The following RP9 variants were observed in gnomAD, a reference collection of about 807,000 sequenced individuals.
RP9 encodes retinitis pigmentosa 9 protein.
Under a neutral mutation model 32.6 loss-of-function variants are expected in RP9, and 23 were observed. The observed-to-expected ratio is 0.71, with a 90% confidence interval of 0.51 to 1.00. The LOEUF (loss-of-function observed/expected upper bound fraction) is 1.00. Among genes scored for constraint, RP9 ranks in the 50% least tolerant of loss-of-function variants. RP9 has a pLI of 0.00. For synonymous variants in RP9, 94 were observed against 103.6 expected (o/e 0.91, Z 0.56); for missense variants, 245 against 285.3 (o/e 0.86, Z 1.02).
chr7:33,106,204 G>A (rs1160358905), intron 1 of RP9, among the ~76,000 whole-genome samples: 1 of 151,744 alleles, frequency 6.6e-6, no homozygotes, highest in Non-Finnish European at 1.5e-5. Flanking sequence ...ATATCACTCT[G>A]TTGCCCAGGC....
chr7:33,103,408 C>G (rs1312082934), intron 1 of RP9, among the ~76,000 whole-genome samples: 1 of 152,154 alleles, frequency 6.6e-6, no homozygotes, highest in Admixed American at 6.5e-5. Context: ...AAAAGGGTAC[C>G]CTGCAGCATG....
chr7:33,100,198 C>T, intron 2 of RP9: 1 of 390,618 alleles, frequency 2.6e-6, no homozygotes, highest in Non-Finnish European at 4.8e-6. Flanking sequence ...AAGAAACCAG[C>T]AGAGGATGGA....
At chr7:33,107,380 A>T (rs2128034095) in intron 1 of RP9, among the ~76,000 whole-genome samples, 1 of 152,312 alleles carries the variant, frequency 6.6e-6, no homozygotes, top group East Asian at 1.9e-4. Context: ...TCTGTGAAAA[A>T]GCTCTCTGAG....
chr7:33,101,890 A>G (rs1169077629), intron 1 of RP9, among the ~76,000 whole-genome samples: 1 of 152,234 alleles, frequency 6.6e-6, no homozygotes, highest in Non-Finnish European at 1.5e-5. Context: ...GTAGCCATTC[A>G]TTAGAAACAT....
chr7:33,097,434 A>C, intron 3 of RP9, 72 bp from the exon 4 acceptor site: 1 of 1,104,564 alleles, frequency 9.1e-7, no homozygotes, highest in Non-Finnish European at 1.4e-6. Flanking sequence ...TCAGCAGAAT[A>C]TATTCAAGTT....
intron 3 of RP9, among the ~76,000 whole-genome samples, chr7:33,098,712 C>T (rs1788378929): frequency 6.6e-6 from 1 of 152,164 alleles, no homozygotes; most frequent in Non-Finnish European, 1.5e-5. Flanking sequence ...GCATTCCCAT[C>T]AAAATTCTCA....
rs571451127 is a variant in RP9, at chr7:33,098,772, T to C, written c.313+535A>G. Among the ~76,000 whole-genome samples the C allele has an allele frequency of 9.8e-5, 15 of 152,346 alleles. No homozygotes were observed. The South Asian group carries it at 2.9e-3, about 29-fold the overall frequency. On this transcript the variant is annotated intron_variant, in intron 3 of 5. Coordinates refer to ENST00000297157, the MANE Select transcript of RP9 (RefSeq NM_203288.2). The stretch of plus-strand genomic sequence containing the variant: ...TTCAATATCCTGGTAGTTAAAAATC[T>C]GTTAAAGACGATTCCAGAAAAGTAA...
chr7:33,104,616 A>G (rs1788472831), intron 1 of RP9, among the ~76,000 whole-genome samples: 1 of 152,250 alleles, frequency 6.6e-6, no homozygotes, highest in South Asian at 2.1e-4. Context: ...CAAACTCCTT[A>G]GCAGTTTTGG....
At position 33,095,099 on chromosome 7, in the gene RP9, C is replaced by T. The variant is rs919099094; in HGVS notation, c.*135G>A. The T allele has an allele frequency of 3.1e-5, 24 of 783,380 alleles. No homozygotes were observed. The highest frequency in any genetic ancestry group is 3.9e-5 in the Non-Finnish European group (18 of 459,790). 48.5% of individuals were successfully genotyped at this position (783,380 alleles called of 1,614,324 possible). A position where few individuals can be genotyped will look rare whatever the true frequency, so the allele number is the denominator to read the frequency against. ...CTGGGGTCACATCTTCACTGCAAGG[C>T]GGGTGGGAGCTCACTGCTGTGACCC... On this transcript the variant is annotated 3_prime_UTR_variant, in exon 6 of 6. Coordinates refer to ENST00000297157, the MANE Select transcript of RP9 (RefSeq NM_203288.2).
intron 1 of RP9, among the ~76,000 whole-genome samples, chr7:33,101,552 A>G (rs1178810674): frequency 6.6e-6 from 1 of 151,800 alleles, no homozygotes; most frequent in Non-Finnish European, 1.5e-5. Context: ...CAGTGAGCTG[A>G]GATCGCACCA....
Position 33,095,102 on chromosome 7 carries a change from G to A in RP9, c.*132C>T. Reference sequence around the variant, plus strand: ...GGGTCACATCTTCACTGCAAGGCGGGTGGGAGCTCACTGCTGTGACCCACA... The same window carrying A: ...GGGTCACATCTTCACTGCAAGGCGGATGGGAGCTCACTGCTGTGACCCACA... On this transcript the variant is annotated 3_prime_UTR_variant, in exon 6 of 6. Coordinates refer to ENST00000297157, the MANE Select transcript of RP9 (RefSeq NM_203288.2). The A allele has an allele frequency of 1.2e-6, 1 of 843,056 alleles. No homozygotes were observed. Among genetic ancestry groups the A allele is most frequent in the Non-Finnish European group, 2.0e-6 (1 of 507,438 alleles). 52.2% of individuals were successfully genotyped at this position (843,056 alleles called of 1,614,324 possible). A position where few individuals can be genotyped will look rare whatever the true frequency, so the allele number is the denominator to read the frequency against.
At chr7:33,100,345 T>C (rs1251270796) in intron 2 of RP9, 186 bp downstream of exon 2, 9 of 656,864 alleles carry the variant, frequency 1.4e-5, no homozygotes, top group Non-Finnish European at 2.2e-5. Context: ...ACATGGCTGA[T>C]GAAATTTCTG....
intron 1 of RP9, among the ~76,000 whole-genome samples, chr7:33,105,060 G>C (rs1788478798): frequency 6.6e-6 from 1 of 152,164 alleles, no homozygotes; most frequent in African/African-American, 2.4e-5. Context: ...TAAAGAGGAA[G>C]ACATGGAATC....
intron 1 of RP9, chr7:33,100,780 A>T (rs1788412673): frequency 1.5e-6 from 1 of 682,816 alleles, no homozygotes; most frequent in Non-Finnish European, 2.7e-6. Context: ...GGCCTTCCTT[A>T]TTTCCATCCA....
Position 33,099,325 on chromosome 7 carries a change from CT to C in RP9, c.294del (p.Glu99LysfsTer32). On this transcript the variant is annotated frameshift_variant, in exon 3 of 6. Coordinates refer to ENST00000297157, the MANE Select transcript of RP9 (RefSeq NM_203288.2). LOFTEE classifies it high-confidence loss of function. ...PTKGLWMPLGKEVKVMQCWRC... is the reference protein window; with the variant it reads ...PTKGLWMPLGXEVKVMQCWRC... Reference sequence around the variant, plus strand: ...CACTCACACTGCATAACTTTGACTTCTTTCCCCAGTGGCATCCAAAGTCCTT... The same window carrying C: ...CACTCACACTGCATAACTTTGACTTCTTCCCCAGTGGCATCCAAAGTCCTT... 6.2e-7 allele frequency: 1 copy of C among 1,613,512 alleles called. No homozygotes were observed. Among genetic ancestry groups the C allele is most frequent in the Non-Finnish European group, 8.5e-7 (1 of 1,180,012 alleles).
At chr7:33,103,728 G>C (rs1035054525) in intron 1 of RP9, among the ~76,000 whole-genome samples, 8 of 152,192 alleles carry the variant, frequency 5.3e-5, no homozygotes. Flanking sequence ...CTGATTCAGG[G>C]GGGATCACTT....
chr7:33,101,350 C>G (rs991942996), intron 1 of RP9, among the ~76,000 whole-genome samples: 1 of 152,124 alleles, frequency 6.6e-6, no homozygotes, highest in Admixed American at 6.5e-5. Context: ...GCCTGTAATC[C>G]CAGCACTTTG....
intron 3 of RP9, among the ~76,000 whole-genome samples, chr7:33,097,820 A>G (rs2128031977): frequency 6.6e-6 from 1 of 152,120 alleles, no homozygotes; most frequent in East Asian, 1.9e-4. Context: ...GGGTTTTGCC[A>G]TGTTGCCCAG....
chr7:33,096,659 G>C (rs1411384383), intron 4 of RP9, 105 bp from the exon 5 acceptor site: 1 of 817,010 alleles, frequency 1.2e-6, no homozygotes, highest in South Asian at 1.4e-5. Context: ...TTTTTTTACT[G>C]TTTGATGTAG....
Sources: gnomAD v4.1 joint callset for allele counts (sites outside exome capture counted in the v4.1 genomes callset) on GRCh38, gnomAD v4.1.1 for gene constraint, MANE v1.5 for transcripts, NCBI Gene and HGNC (gene_info 2026-07-23, HGNC 2026-07-21) for gene names.